USP34: variants seen among roughly 807,000 people sequenced by gnomAD.
USP34 encodes the protein ubiquitin specific peptidase 34.
Under a neutral mutation model 460.3 loss-of-function variants are expected in USP34, and 70 were observed. That is an observed-to-expected ratio of 0.15 (90% confidence interval 0.13 to 0.19). The LOEUF (loss-of-function observed/expected upper bound fraction) is 0.19. Ranked by LOEUF, USP34 falls within the 10% of genes least tolerant of loss-of-function variation. USP34 has a pLI of 1.00. For missense variants in USP34, 3,985 were observed against 4,236.2 expected (o/e 0.94, Z 1.65); for synonymous variants, 1,647 against 1,405.3 (o/e 1.17, Z -3.85).
intron 1 of USP34, among the ~76,000 whole-genome samples, chr2:61,464,415 T>C (rs1695701957): frequency 6.6e-6 from 1 of 152,194 alleles, no homozygotes; most frequent in Admixed American, 6.6e-5. Context: ...ACTATGCAGG[T>C]TGACAGGTGA....
Position 61,319,208 on chromosome 2 carries a change from C to A in USP34, c.3133G>T (p.Gly1045Cys), listed in dbSNP as rs766155323. The A allele has an allele frequency of 6.3e-7, 1 of 1,582,800 alleles. No homozygotes were observed. Reference protein sequence around the residue: ...QVRSKDQHAMGMETYKHLFLE... With the variant: ...QVRSKDQHAMCMETYKHLFLE... ...AAAAGATGTTTGTAGGTTTCCATAC[C>A]CATAGCATGTTGATCTTTACTTCGA... The change falls in exon 22 of 80, where the codon GGT becomes TGT. Residue 1045 changes from glycine to cysteine, a missense_variant. Physicochemically the swap from Gly to Cys is radical, Grantham distance 159. Transcript: ENST00000398571.
At chr2:61,393,733 G>C (rs1693426131) in intron 5 of USP34, among the ~76,000 whole-genome samples, 1 of 152,142 alleles carries the variant, frequency 6.6e-6, no homozygotes, top group African/African-American at 2.4e-5. Context: ...CATTACACAA[G>C]ATTTCAGTGT....
intron 15 of USP34, 69 bp from the exon 16 acceptor site, chr2:61,344,098 T>C (rs1691687962): frequency 2.1e-6 from 3 of 1,438,376 alleles, no homozygotes; most frequent in African/African-American, 2.8e-5. Flanking sequence ...CCACAAAAAA[T>C]ACCTCTCTTA....
At chr2:61,352,572 C>T (rs1158821653) in intron 10 of USP34, among the ~76,000 whole-genome samples, 2 of 151,570 alleles carry the variant, frequency 1.3e-5, no homozygotes, top group South Asian at 4.2e-4. Flanking sequence ...AAGTGATCCT[C>T]TTGCCTCAGC....
In USP34 at chr2:61,223,481, T is replaced by C. The variant is rs1687646795; in HGVS notation, c.7596-185A>G. On this transcript the variant is annotated intron_variant, in intron 62 of 79. Coordinates refer to ENST00000398571, the MANE Select transcript of USP34 (RefSeq NM_014709.4). ...TGGGCAACTTTTCAACATTCCAGGA[T>C]TGGTAAATGAAAGCCCAAATGTACT... is the stretch of plus-strand genomic sequence containing the variant. 1.0e-5 allele frequency: 6 copies of C among 598,164 alleles called. No homozygotes were observed. The South Asian group carries it at 1.3e-4, about 13-fold the overall frequency. The allele number at this position is 598,164 out of a possible 1,614,324, so 37.1% of individuals were successfully genotyped here.
chr2:61,190,548 G>A lies in USP34; in HGVS notation c.9699C>T (p.Val3233=), dbSNP rs759485853. 6.2e-7 allele frequency: 1 copy of A among 1,614,014 alleles called. No homozygotes were observed. The highest frequency in any genetic ancestry group is 1.1e-5 in the South Asian group (1 of 91,046). ...DERTFLNNNI[V]YTFMTHFLLK... ...GAAGGAAATGTGTCATGAACGTGTA[G>A]ACAATGTTGTTGTTTAAAAAAGTTC... The change falls in exon 77 of 80, where the codon GTC becomes GTT. Residue 3233 remains valine (V), a synonymous_variant. Coordinates refer to ENST00000398571, the MANE Select transcript of USP34 (RefSeq NM_014709.4).
intron 3 of USP34, among the ~76,000 whole-genome samples, chr2:61,398,431 GGGA>G (rs1367928038): frequency 6.9e-6 from 1 of 144,352 alleles, no homozygotes; most frequent in Non-Finnish European, 1.5e-5. Flanking sequence ...GAAAGGGTAA[GGGA>G]GGAGGAGGGG....
At chr2:61,243,561 T>C (rs1164229338) in intron 51 of USP34, among the ~76,000 whole-genome samples, 2 of 32,352 alleles carry the variant, frequency 6.2e-5, no homozygotes, top group East Asian at 3.4e-3. Flanking sequence ...TTCCTTCATT[T>C]TTTTTTTTTT....
intron 69 of USP34, among the ~76,000 whole-genome samples, 159 bp downstream of exon 69, chr2:61,211,613 C>T (rs532704924): frequency 1.3e-5 from 2 of 152,222 alleles, no homozygotes; most frequent in East Asian, 1.9e-4. Flanking sequence ...AAAGCCAGAC[C>T]AAAAACTGTT....
chr2:61,388,716 A>C (rs1430335556), intron 5 of USP34, among the ~76,000 whole-genome samples: 1 of 151,936 alleles, frequency 6.6e-6, no homozygotes, highest in Non-Finnish European at 1.5e-5. Context: ...AGATCACGCC[A>C]CTGCACTCCA....
At chr2:61,370,280 G>A in intron 10 of USP34, 41 bp downstream of exon 10, 3 of 1,585,758 alleles carry the variant, frequency 1.9e-6, no homozygotes, top group South Asian at 1.1e-5. Context: ...TAGAACATAT[G>A]ATAAGCAAAG....
chr2:61,469,678 A>G (rs1041716054), intron 1 of USP34, among the ~76,000 whole-genome samples: 1 of 152,022 alleles, frequency 6.6e-6, no homozygotes, highest in Non-Finnish European at 1.5e-5. Context: ...GAAATATCAC[A>G]AACAGAATAC....
rs1470509311 is a variant in USP34, at chr2:61,278,365, G to A, written c.5312+23C>T. The A allele has an allele frequency of 3.1e-6, 5 of 1,607,236 alleles. No homozygotes were observed. The South Asian group carries it at 4.5e-5, about 14-fold the overall frequency. On this transcript the variant is annotated intron_variant, in intron 40 of 79. Transcript: ENST00000398571. ...TTTATCTTTCCTCGACAATATAAAT[G>A]TCAATTTCACATCAAATTTTACCTT...
At chr2:61,281,755 A>G (rs1439685051) in intron 37 of USP34, among the ~76,000 whole-genome samples, 1 of 152,210 alleles carries the variant, frequency 6.6e-6, no homozygotes, top group Non-Finnish European at 1.5e-5. Flanking sequence ...AACAGAAACA[A>G]AACAAAATAA....
chr2:61,319,365 C>T lies in USP34; in HGVS notation c.3014-38G>A, dbSNP rs781304329. 5.7e-6 allele frequency: 8 copies of T among 1,407,786 alleles called. No individual in the cohort carries two copies. In the African/African-American group the frequency reaches 9.0e-5, roughly 16 times the overall value. The allele number at this position is 1,407,786 out of a possible 1,614,324, so 87.2% of individuals were successfully genotyped here. A position where few individuals can be genotyped will look rare whatever the true frequency, so the allele number is the denominator to read the frequency against. Reference sequence around the variant, plus strand: ...TATAAATTTTATACTTTATTAACTACATACAAAAAAATTAAACTTCTCTTA... The same window carrying T: ...TATAAATTTTATACTTTATTAACTATATACAAAAAAATTAAACTTCTCTTA... On this transcript the variant is annotated intron_variant, in intron 21 of 79. Transcript: ENST00000398571.
chr2:61,338,990 CACTTA>C (rs951868008), intron 18 of USP34, among the ~76,000 whole-genome samples: 4 of 152,164 alleles, frequency 2.6e-5, no homozygotes, highest in Non-Finnish European at 5.9e-5. Flanking sequence ...AGTAAAATTT[CACTTA>C]ACTTATTTAG....
rs778979178 is a variant in USP34 at position 61,232,513 on chromosome 2, G to A, written c.7052C>T (p.Ala2351Val). The A allele has an allele frequency of 6.2e-7, 1 of 1,608,236 alleles. No homozygotes were observed. Among genetic ancestry groups the A allele is most frequent in the Admixed American group, 1.7e-5 (1 of 58,372 alleles). Residue 2351 changes from alanine (A) to valine (V), a missense_variant, in exon 58 of 80, where the codon GCT becomes GTT. Physicochemically the swap from Ala to Val is moderately conservative, Grantham distance 64 (BLOSUM62 0). Transcript: ENST00000398571. ...AACEWFLDRM[A>V]DDDWWPMQIL... ...CTGCATTGGCCACCAGTCGTCATCAGCCATACGATCTAAAAACCACTGTTA... is the reference window on the plus strand; with the variant it reads ...CTGCATTGGCCACCAGTCGTCATCAACCATACGATCTAAAAACCACTGTTA...
chr2:61,430,125 G>A (rs1272281147), intron 1 of USP34, among the ~76,000 whole-genome samples: 1 of 151,090 alleles, frequency 6.6e-6, no homozygotes, highest in Non-Finnish European at 1.5e-5. Flanking sequence ...TGAGGCAGGA[G>A]AATGGCGTGG....
At chr2:61,317,863 G>T (rs564222461) in intron 22 of USP34, 96 bp from the exon 23 acceptor site, 1 of 827,228 alleles carries the variant, frequency 1.2e-6, no homozygotes, top group Admixed American at 2.9e-5. Context: ...CACTGTAGAA[G>T]GAAACAGATC....
Sources: gnomAD v4.1 joint callset for allele counts (sites outside exome capture counted in the v4.1 genomes callset) on GRCh38, gnomAD v4.1.1 for gene constraint, MANE v1.5 for transcripts, NCBI Gene and HGNC (gene_info 2026-07-23, HGNC 2026-07-21) for gene names.